The following PSME3IP1 variants were observed in gnomAD, a reference collection of about 807,000 sequenced individuals.
The protein encoded by PSME3IP1 is proteasome activator subunit 3 interacting protein 1.
In PSME3IP1, 13 loss-of-function variants were observed where a neutral mutation model predicts 34.1. The observed-to-expected ratio is 0.38, with a 90% CI of 0.25 to 0.61. PSME3IP1 has a LOEUF of 0.61. PSME3IP1 is among the 20% of genes least tolerant of loss of function. PSME3IP1 has a pLI of 0.60. For missense variants in PSME3IP1, 237 were observed against 301.4 expected (o/e 0.79, Z 1.58); for synonymous variants, 93 against 114.3 (o/e 0.81, Z 1.19).
At chr16:57,178,881 A>G in intron 1 of PSME3IP1, 1 of 807,328 alleles carries the variant, frequency 1.2e-6, no homozygotes, top group Non-Finnish European at 1.5e-6. Flanking sequence ...AAGTACCTGT[A>G]ACTTACTGAC....
intron 4 of PSME3IP1, among the ~76,000 whole-genome samples, chr16:57,167,635 TCTGA>T (rs763368574): frequency 2.3e-4 from 35 of 152,236 alleles, no homozygotes; most frequent in Admixed American, 4.6e-4. Flanking sequence ...AGAATGTTGT[TCTGA>T]CTATCAGTGG....
chr16:57,169,749 A>G (rs573372781), intron 4 of PSME3IP1, among the ~76,000 whole-genome samples: 5 of 152,244 alleles, frequency 3.3e-5, no homozygotes, highest in East Asian at 3.8e-4. Flanking sequence ...ATAAAACATA[A>G]TATCATTCAA....
chr16:57,176,899 G>C (rs1474618922), intron 1 of PSME3IP1, among the ~76,000 whole-genome samples: 1 of 151,890 alleles, frequency 6.6e-6, no homozygotes, highest in Admixed American at 6.6e-5. Context: ...CTGCCGCCCA[G>C]GCCGGAGTGC....
chr16:57,186,104 A>AAATCCGGGAGCCCGC, upstream of PSME3IP1: 1 of 985,132 alleles, frequency 1.0e-6, no homozygotes, highest in East Asian at 1.1e-4. Flanking sequence ...CGGGAGCCCG[A>AAATCCGGGAGCCCGC]TGGAAATCCG....
In PSME3IP1 at chr16:57,154,448, G is replaced by A. The variant is rs2070276316; in HGVS notation, c.607C>T (p.Pro203Ser). The change falls in exon 7 of 7, where the codon CCC becomes TCC. Residue 203 changes from proline to serine, a missense_variant. By Grantham distance (74) the Pro-to-Ser change is moderately conservative (BLOSUM62 -1). Coordinates refer to ENST00000309137, the MANE Select transcript of PSME3IP1 (RefSeq NM_024946.4). The surrounding 1 kb of genome is among the most constrained non-coding windows in gnomAD (Gnocchi z 4.0). ...TSLSGPSIHC[P>S]SAAVCIGILP... ...ATGCCGATACATACTGCAGCAGAGGGGCAGTGGATGGAGGGGCCACTCAGG... is the reference window on the plus strand; with the variant it reads ...ATGCCGATACATACTGCAGCAGAGGAGCAGTGGATGGAGGGGCCACTCAGG... The A allele has an allele frequency of 6.2e-7, 1 of 1,613,858 alleles. No homozygotes were observed. The highest frequency in any genetic ancestry group is 1.7e-5 in the Admixed American group (1 of 59,980).
rs1381975198 is a variant in PSME3IP1, at chr16:57,167,164, A to C, written c.411T>G (p.Thr137=). 1 of 1,614,076 alleles carries C rather than the reference A, an allele frequency of 6.2e-7. No homozygotes were observed. Among genetic ancestry groups the C allele is most frequent in the African/African-American group, 1.3e-5 (1 of 74,932 alleles). Residue 137 remains threonine (T), a synonymous_variant, in exon 5 of 7, where the codon ACT becomes ACG. Transcript: ENST00000309137. Reference sequence around the variant, plus strand: ...TGTTCTTGGTTTCTATAGGCTTCACAGTCAGTTTCTTTTCCACTTCCTTCT... The same window carrying C: ...TGTTCTTGGTTTCTATAGGCTTCACCGTCAGTTTCTTTTCCACTTCCTTCT... ...ENKKEVEKKL[T]VKPIETKNKF... is the part of the protein sequence containing the mutation.
At chr16:57,167,007 C>A (rs1330300859) in intron 5 of PSME3IP1, 86 bp downstream of exon 5, 1 of 1,512,802 alleles carries the variant, frequency 6.6e-7, no homozygotes. Flanking sequence ...TCACGCGAGG[C>A]AAGCGTTGGC....
Position 57,154,564 on chromosome 16 carries a change from GACTT to G in PSME3IP1, c.548-61_548-58del. On this transcript the variant is annotated intron_variant, in intron 6 of 6. Transcript: ENST00000309137. The surrounding 1 kb of genome is among the most constrained non-coding windows in gnomAD (Gnocchi z 4.0). The stretch of plus-strand genomic sequence containing the variant: ...TCACCCTTTTCCAAAGTTGGGGACT[GACTT>G]ACCATGTGCCAGGCACTGTACCAAG... 1 of 1,431,816 alleles carries G rather than the reference GACTT, an allele frequency of 7.0e-7. No individual in the cohort carries two copies. The highest frequency in any genetic ancestry group is 9.5e-7 in the Non-Finnish European group (1 of 1,057,310). 88.7% of individuals were successfully genotyped at this position (1,431,816 alleles called of 1,614,324 possible).
chr16:57,181,856 T>C (rs1199176668), intron 1 of PSME3IP1: 1 of 152,236 alleles, frequency 6.6e-6, no homozygotes, highest in Non-Finnish European at 1.5e-5. Context: ...GCACAGAGCT[T>C]CCATGCACTC....
At chr16:57,183,803 G>A (rs373571349) in intron 1 of PSME3IP1, among the ~76,000 whole-genome samples, 24 of 152,286 alleles carry the variant, frequency 1.6e-4, no homozygotes, top group South Asian at 1.0e-3. Flanking sequence ...ACAGAAACAA[G>A]TTCAAGCCAG....
At chr16:57,186,048 G>C (rs2074153811), upstream of PSME3IP1, 2 of 985,072 alleles carry the variant, frequency 2.0e-6, no homozygotes, top group Non-Finnish European at 1.2e-6. Flanking sequence ...ATAGAGTCCC[G>C]CCCCACTTCC....
rs74021609 is a variant in PSME3IP1 at position 57,164,401 on chromosome 16, A to G, written c.483-336T>C. On this transcript the variant is annotated intron_variant, in intron 5 of 6. Coordinates refer to ENST00000309137, the MANE Select transcript of PSME3IP1 (RefSeq NM_024946.4). The stretch of plus-strand genomic sequence containing the variant: ...TTAGACATGTTCATAAATGACAAAC[A>G]TTTAGTAATTACAGATTGAAGAAAA... Among the ~76,000 whole-genome samples, 936 of 152,346 alleles carry G rather than the reference A, an allele frequency of 6.1e-3. 6 individuals are homozygous for G. The highest frequency in any genetic ancestry group is 0.022 in the African/African-American group (902 of 41,562).
chr16:57,172,942 T>C, intron 2 of PSME3IP1, 68 bp from the exon 3 acceptor site: 2 of 1,054,066 alleles, frequency 1.9e-6, no homozygotes, highest in Non-Finnish European at 3.0e-6. Context: ...TGTTTTCATA[T>C]TATTTTGGAA....
chr16:57,185,935 A>G lies in PSME3IP1; in HGVS notation c.-130T>C. On this transcript the variant is annotated 5_prime_UTR_variant, in exon 1 of 7. Coordinates refer to ENST00000309137, the MANE Select transcript of PSME3IP1 (RefSeq NM_024946.4). ...AAAAAATGAAAGGAAGAAAGAAAGA[A>G]ACAGAGGAAGGAATGAATGAAAGAA... 1 of 985,300 alleles carries G rather than the reference A, an allele frequency of 1.0e-6. No homozygotes were observed. The highest frequency in any genetic ancestry group is 4.7e-5 in the South Asian group (1 of 21,274). The allele number at this position is 985,300 out of a possible 1,614,324, so 61.0% of individuals were successfully genotyped here.
intron 3 of PSME3IP1, 107 bp from the exon 4 acceptor site, chr16:57,172,479 A>C: frequency 8.1e-7 from 1 of 1,239,068 alleles, no homozygotes; most frequent in Non-Finnish European, 1.1e-6. Context: ...GATTAAAAAA[A>C]AAAGAACTGG....
chr16:57,157,575 C>T, intron 6 of PSME3IP1, among the ~76,000 whole-genome samples: 1 of 151,464 alleles, frequency 6.6e-6, no homozygotes, highest in East Asian at 1.9e-4. Flanking sequence ...TTACTTTTTA[C>T]TCCACATTCT....
chr16:57,163,998 C>T lies in PSME3IP1; in HGVS notation c.547+3G>A. The T allele has an allele frequency of 6.2e-7, 1 of 1,613,974 alleles. No individual in the cohort carries two copies. The highest frequency in any genetic ancestry group is 8.5e-7 in the Non-Finnish European group (1 of 1,179,884). ...CAAGGAAGTAATGAAGGCTGCCACC[C>T]ACCTTGATTCTTGTCATCTGGCTCA... On this transcript the variant is annotated splice_donor_region_variant and intron_variant, in intron 6 of 6. Coordinates refer to ENST00000309137, the MANE Select transcript of PSME3IP1 (RefSeq NM_024946.4).
intron 6 of PSME3IP1, among the ~76,000 whole-genome samples, chr16:57,155,104 T>C (rs541054380): frequency 2.6e-4 from 40 of 152,356 alleles, no homozygotes; most frequent in South Asian, 4.1e-4. Flanking sequence ...TAACGTTCTT[T>C]ATTAAGAAGG....
chr16:57,177,348 ATT>A (rs567704160), intron 1 of PSME3IP1, among the ~76,000 whole-genome samples: 9,583 of 128,596 alleles, frequency 0.075, 438 homozygotes, highest in East Asian at 0.22. Context: ...CACCTGGCTA[ATT>A]TTTTTTTTTT....
Sources: gnomAD v4.1 joint callset for allele counts (sites outside exome capture counted in the v4.1 genomes callset) on GRCh38, gnomAD v4.1.1 for gene constraint, Gnocchi (gnomAD v3.1) non-coding constraint, MANE v1.5 for transcripts, NCBI Gene and HGNC (gene_info 2026-07-23, HGNC 2026-07-21) for gene names.